DCUN1D4: variants seen among roughly 807,000 people sequenced by gnomAD.
The protein encoded by DCUN1D4 is defective in cullin neddylation 1 domain containing 4, also known as DCN1-like protein 4.
A neutral mutation model predicts 47.9 loss-of-function variants in DCUN1D4; 22 were observed. The ratio of observed to expected loss-of-function variants is 0.46; its 90% confidence interval spans 0.33 to 0.66. The LOEUF is 0.66. Ranked by LOEUF, DCUN1D4 falls within the 30% of genes least tolerant of loss-of-function variation. The pLI, the probability that DCUN1D4 is intolerant of heterozygous loss-of-function variation, is 0.02. For missense variants in DCUN1D4, 301 were observed against 340.8 expected (o/e 0.88, Z 0.92); for synonymous variants, 121 against 112.2 (o/e 1.08, Z -0.50).
chr4:51,875,943 T>C (rs986981317), intron 4 of DCUN1D4, among the ~76,000 whole-genome samples: 5 of 152,144 alleles, frequency 3.3e-5, no homozygotes, highest in South Asian at 2.1e-4. Context: ...TTAGATCATA[T>C]CTATTTGAAC....
chr4:51,910,891 A>G (rs1435745449), intron 8 of DCUN1D4, 179 bp from the exon 9 acceptor site: 1 of 601,662 alleles, frequency 1.7e-6, no homozygotes, highest in Non-Finnish European at 2.9e-6. Context: ...GTAATGCCCA[A>G]GCCTTCCATT....
At chr4:51,843,068 A>C (rs1721845499), upstream of DCUN1D4, 6 of 1,387,206 alleles carry the variant, frequency 4.3e-6, no homozygotes, top group African/African-American at 1.5e-5. Context: ...CAAATGAGAG[A>C]CGCAGCAGGG....
At chr4:51,838,532 CCACCA>C (rs762154009), upstream of DCUN1D4, among the ~76,000 whole-genome samples, 5 of 152,060 alleles carry the variant, frequency 3.3e-5, no homozygotes, top group Non-Finnish European at 7.4e-5. Flanking sequence ...CAGGCAGCTG[CCACCA>C]CACCCAGATA....
intron 1 of DCUN1D4, chr4:51,848,298 T>A (rs1440555516): frequency 7.8e-7 from 1 of 1,288,704 alleles, no homozygotes; most frequent in African/African-American, 1.5e-5. Context: ...TGTTTGTGAA[T>A]GTGCACACGT....
At chr4:51,856,775 T>C (rs1374394277) in intron 1 of DCUN1D4, among the ~76,000 whole-genome samples, 1 of 152,202 alleles carries the variant, frequency 6.6e-6, no homozygotes, top group African/African-American at 2.4e-5. Flanking sequence ...TTCCTTACAC[T>C]GCAATCACAT....
At chr4:51,897,661 C>T (rs758490942) in intron 7 of DCUN1D4, among the ~76,000 whole-genome samples, 1 of 152,144 alleles carries the variant, frequency 6.6e-6, no homozygotes, top group South Asian at 2.1e-4. Context: ...CACCAAGGCT[C>T]CCTGGAGAAA....
At chr4:51,898,213 C>T (rs1731556706) in intron 7 of DCUN1D4, among the ~76,000 whole-genome samples, 1 of 152,160 alleles carries the variant, frequency 6.6e-6, no homozygotes. Context: ...GGGAGGAGCT[C>T]CCAGGGAGTG....
chr4:51,843,514 C>T (rs1721925628), intron 1 of DCUN1D4: 2 of 1,283,622 alleles, frequency 1.6e-6, no homozygotes, highest in Non-Finnish European at 2.0e-6. Context: ...TGGGGACTGG[C>T]TCTCTTTCAG....
chr4:51,847,142 C>A (rs754498367), intron 1 of DCUN1D4, among the ~76,000 whole-genome samples: 1 of 152,140 alleles, frequency 6.6e-6, no homozygotes, highest in Non-Finnish European at 1.5e-5. Context: ...GAGAAGAATG[C>A]GCTGGGTTGG....
At chr4:51,845,106 G>T (rs1722328102) in intron 1 of DCUN1D4, 6 of 985,340 alleles carry the variant, frequency 6.1e-6, no homozygotes, top group Non-Finnish European at 7.2e-6. Context: ...ACCATCATGC[G>T]CACGGGTTGT....
rs147898534 is a variant in DCUN1D4, at chr4:51,893,250, A to T, written c.506+1399A>T. ...TAGGTAAAAGCCAAACCACCCTTTT[A>T]CAAATATACTTTCCTATCAGAGTGT... On this transcript the variant is annotated intron_variant, in intron 7 of 10. Coordinates refer to ENST00000334635, the MANE Select transcript of DCUN1D4 (RefSeq NM_001040402.3). 1.1e-3 allele frequency among the ~76,000 whole-genome samples: 160 copies of T among 152,316 alleles called. 2 individuals carry two copies. The highest frequency in any genetic ancestry group is 5.7e-4 in the Non-Finnish European group (39 of 68,028).
chr4:51,838,756 A>G (rs10007182), upstream of DCUN1D4, among the ~76,000 whole-genome samples: 279 of 152,288 alleles, frequency 1.8e-3, 1 homozygote, highest in African/African-American at 6.3e-3. Flanking sequence ...TGAGGTATAT[A>G]GGGGCATATA....
chr4:51,913,485 GTTATTA>G (rs200685693), intron 10 of DCUN1D4, 38 bp from the exon 11 acceptor site: 6 of 1,549,542 alleles, frequency 3.9e-6, no homozygotes, highest in East Asian at 4.7e-5. Flanking sequence ...TATTATTATT[GTTATTA>G]TTATTATTAT....
Position 51,848,221 on chromosome 4 carries a change from A to T in DCUN1D4, c.25+4954A>T, listed in dbSNP as rs189811222. On this transcript the variant is annotated intron_variant, in intron 1 of 10. Coordinates refer to ENST00000334635, the MANE Select transcript of DCUN1D4 (RefSeq NM_001040402.3). ...AACATGCAGATATCAGTTTTAGAGA[A>T]TGTGGCGTGGAGAAATTCTCAAGGA... 241 of 1,289,334 alleles carry T rather than the reference A, an allele frequency of 1.9e-4. No individual in the cohort carries two copies. The African/African-American group carries it at 3.3e-3, about 18-fold the overall frequency. The allele number at this position is 1,289,334 out of a possible 1,614,324, so 79.9% of individuals were successfully genotyped here. A position where few individuals can be genotyped will look rare whatever the true frequency, so the allele number is the denominator to read the frequency against.
intron 3 of DCUN1D4, among the ~76,000 whole-genome samples, chr4:51,864,752 C>T (rs1358146153): frequency 2.0e-5 from 3 of 152,176 alleles, no homozygotes; most frequent in Admixed American, 6.5e-5. Context: ...CTCTTACTAC[C>T]AGCAGTCTGG....
At position 51,914,992 on chromosome 4, in the gene DCUN1D4, A is replaced by G. The variant is rs1052274571; in HGVS notation, c.*1408A>G. 3.3e-5 allele frequency: 5 copies of G among 152,480 alleles called. No individual in the cohort carries two copies. The highest frequency in any genetic ancestry group is 9.7e-5 in the African/African-American group (4 of 41,422). The allele number at this position is 152,480 out of a possible 1,614,324, so 9.4% of individuals were successfully genotyped here. A position where few individuals can be genotyped will look rare whatever the true frequency, so the allele number is the denominator to read the frequency against. On this transcript the variant is annotated 3_prime_UTR_variant, in exon 11 of 11. Coordinates refer to ENST00000334635, the MANE Select transcript of DCUN1D4 (RefSeq NM_001040402.3). The stretch of plus-strand genomic sequence containing the variant: ...GGTAATGGTGCATTTGAACAAGTAA[A>G]TGCTGTCGTGGTCAGCAAGATCCGT...
At chr4:51,868,235 G>A (rs1487930751) in intron 3 of DCUN1D4, among the ~76,000 whole-genome samples, 1 of 152,208 alleles carries the variant, frequency 6.6e-6, no homozygotes, top group Non-Finnish European at 1.5e-5. Flanking sequence ...CTGGGCGGCT[G>A]CAGCTGTTCC....
At chr4:51,867,357 A>C (rs1191944262) in intron 3 of DCUN1D4, among the ~76,000 whole-genome samples, 1 of 152,192 alleles carries the variant, frequency 6.6e-6, no homozygotes, top group Non-Finnish European at 1.5e-5. Flanking sequence ...GGCAAGTGGC[A>C]AGGGGTGCGT....
intron 1 of DCUN1D4, chr4:51,843,757 G>A: frequency 2.6e-6 from 3 of 1,137,038 alleles, no homozygotes; most frequent in Non-Finnish European, 3.2e-6. Flanking sequence ...GTGCGAGGGG[G>A]GCGCGGGGGC....
Sources: gnomAD v4.1 joint callset for allele counts (sites outside exome capture counted in the v4.1 genomes callset) on GRCh38, gnomAD v4.1.1 for gene constraint, MANE v1.5 for transcripts, NCBI Gene and HGNC (gene_info 2026-07-23, HGNC 2026-07-21) for gene names.